Variants in SLC26A8 observed in about 807,000 individuals in gnomAD.
The protein encoded by SLC26A8 is testis anion transporter 1.
Under a neutral mutation model 105.0 loss-of-function variants are expected in SLC26A8, and 70 were observed. The ratio of observed to expected loss-of-function variants is 0.67; its 90% confidence interval spans 0.55 to 0.81. The LOEUF (loss-of-function observed/expected upper bound fraction) is 0.81. Ranked by LOEUF, SLC26A8 falls within the 40% of genes least tolerant of loss-of-function variation. The probability of loss-of-function intolerance (pLI) is 0.00; values close to 1 mark genes in which losing one functional copy is unlikely to be tolerated. For missense variants in SLC26A8, 998 were observed against 1,181.8 expected, an observed-to-expected ratio of 0.84 and a Z score of 2.28; for synonymous variants, 415 against 438.3, an observed-to-expected ratio of 0.95 and a Z score of 0.66.
intron 19 of SLC26A8, 72 bp downstream of exon 19, chr6:35,951,091 A>ACCCCCCCCCCCCCC: frequency 8.0e-7 from 1 of 1,256,380 alleles, no homozygotes; most frequent in Non-Finnish European, 1.1e-6. Flanking sequence ...CCAGCCCCCA[A>ACCCCCCCCCCCCCC]CCACCCCTCA....
At chr6:36,001,142 T>C (rs562730101) in intron 3 of SLC26A8, among the ~76,000 whole-genome samples, 1 of 152,152 alleles carries the variant, frequency 6.6e-6, no homozygotes, top group Non-Finnish European at 1.5e-5. Flanking sequence ...TTTTCTTTTT[T>C]TTTTGAGACG....
At chr6:35,984,701 A>G (rs1215871152) in intron 7 of SLC26A8, among the ~76,000 whole-genome samples, 1 of 151,940 alleles carries the variant, frequency 6.6e-6, no homozygotes, top group East Asian at 1.9e-4. Flanking sequence ...TTGCACTCTC[A>G]CTTCTCTCCT....
In SLC26A8 at chr6:36,000,121, A is replaced by T. The variant is rs894704373; in HGVS notation, c.329-13T>A. ...CTAAGTGTCAGGCCTGAAAAACAAG[A>T]TAATTTAAGAAAAAGCAGCTTGTCT... is the stretch of plus-strand genomic sequence containing the variant. On this transcript the variant is annotated splice_polypyrimidine_tract_variant and intron_variant, in intron 3 of 19. Coordinates refer to ENST00000490799, the MANE Select transcript of SLC26A8 (RefSeq NM_052961.4). 1 of 1,567,024 alleles carries T rather than the reference A, an allele frequency of 6.4e-7. No individual in the cohort carries two copies. The highest frequency in any genetic ancestry group is 1.1e-5 in the South Asian group (1 of 89,344).
chr6:35,970,854 C>T (rs35534912), intron 10 of SLC26A8, among the ~76,000 whole-genome samples: 25,142 of 151,956 alleles, frequency 0.17, 3,217 homozygotes, highest in African/African-American at 0.36. Flanking sequence ...GGTGAAACCC[C>T]ACCTCTACTA....
intron 11 of SLC26A8, among the ~76,000 whole-genome samples, chr6:35,965,984 G>C (rs1772502413): frequency 6.9e-6 from 1 of 145,310 alleles, no homozygotes; most frequent in Non-Finnish European, 1.5e-5. Flanking sequence ...CTGGGCAATA[G>C]AGGGAGACTC....
intron 10 of SLC26A8, chr6:35,969,341 T>C: frequency 4.9e-6 from 1 of 202,586 alleles, no homozygotes; most frequent in Admixed American, 5.5e-5. Context: ...GGCTCACACC[T>C]GTAATCCTAG....
At chr6:35,957,962 A>G (rs188127647) in intron 16 of SLC26A8, among the ~76,000 whole-genome samples, 10 of 151,338 alleles carry the variant, frequency 6.6e-5, no homozygotes, top group East Asian at 1.9e-4. Context: ...CTTTCTTACA[A>G]TCCCCTCATG....
chr6:35,963,447 A>G (rs1260969822), intron 11 of SLC26A8, among the ~76,000 whole-genome samples: 1 of 152,198 alleles, frequency 6.6e-6, no homozygotes, highest in African/African-American at 2.4e-5. Context: ...AAAACCCACC[A>G]TAGCGCACTC....
intron 2 of SLC26A8, among the ~76,000 whole-genome samples, chr6:36,014,657 G>C (rs551224384): frequency 2.0e-5 from 3 of 152,100 alleles, no homozygotes; most frequent in African/African-American, 7.2e-5. Context: ...CAAGGCGGGC[G>C]GATCACAAGG....
intron 16 of SLC26A8, 151 bp from the exon 17 acceptor site, chr6:35,955,671 T>C (rs1316310448): frequency 1.0e-6 from 1 of 1,004,248 alleles, no homozygotes; most frequent in African/African-American, 1.6e-5. Context: ...TTTACTTGGA[T>C]ATCTGTCACT....
intron 7 of SLC26A8, among the ~76,000 whole-genome samples, chr6:35,983,656 A>G (rs773411851): frequency 4.2e-4 from 64 of 151,862 alleles, no homozygotes; most frequent in African/African-American, 1.5e-3. Flanking sequence ...GGTTCAAGCG[A>G]TTCTCATGCC....
In SLC26A8 at chr6:35,943,944, T is replaced by C. The variant is rs146813930; in HGVS notation, c.2869A>G (p.Met957Val). 2.5e-6 allele frequency: 4 copies of C among 1,614,144 alleles called. No individual in the cohort carries two copies. The highest frequency in any genetic ancestry group is 2.7e-5 in the African/African-American group (2 of 75,038). Residue 957 changes from methionine (M) to valine (V), a missense_variant, in exon 20 of 20, where the codon ATG becomes GTG. Met to Val is a conservative substitution (Grantham distance 21). Coordinates refer to ENST00000490799, the MANE Select transcript of SLC26A8 (RefSeq NM_052961.4). ...TTGCCCTCTGGTGAGTATGAATCCA[T>C]AGGATGGCGTCTCCTCTCCACTGAC... Reference protein sequence around the residue: ...TWSVERRRHPMDSYSPEGNSN... With the variant: ...TWSVERRRHPVDSYSPEGNSN...
At chr6:35,994,440 A>C (rs989528372) in intron 5 of SLC26A8, among the ~76,000 whole-genome samples, 3 of 151,684 alleles carry the variant, frequency 2.0e-5, no homozygotes, top group African/African-American at 7.3e-5. Flanking sequence ...ATCTCCTGTC[A>C]TTGCCGCCCA....
intron 10 of SLC26A8, among the ~76,000 whole-genome samples, chr6:35,973,221 T>A (rs6924359): frequency 6.6e-6 from 1 of 151,972 alleles, no homozygotes; most frequent in Admixed American, 6.6e-5. Context: ...CTCTGGAATC[T>A]CCATTTCCAT....
At chr6:36,014,078 C>T (rs896847881) in intron 2 of SLC26A8, among the ~76,000 whole-genome samples, 1 of 152,214 alleles carries the variant, frequency 6.6e-6, no homozygotes, top group Non-Finnish European at 1.5e-5. Flanking sequence ...AGGAACATCA[C>T]ATTGCTGTTC....
intron 2 of SLC26A8, among the ~76,000 whole-genome samples, chr6:36,016,321 C>T (rs1279115839): frequency 1.3e-5 from 2 of 152,000 alleles, no homozygotes; most frequent in Non-Finnish European, 2.9e-5. Context: ...TTTGTGGACC[C>T]CCAAGGAGTC....
chr6:35,960,967 A>G, intron 13 of SLC26A8, 26 bp downstream of exon 13: 1 of 1,613,894 alleles, frequency 6.2e-7, no homozygotes. Context: ...TGCCTTGTTA[A>G]CCTCCTATTA....
intron 16 of SLC26A8, among the ~76,000 whole-genome samples, chr6:35,956,368 C>G (rs1319735488): frequency 6.9e-6 from 1 of 143,946 alleles, no homozygotes; most frequent in African/African-American, 2.6e-5. Flanking sequence ...GTTGAGGCTG[C>G]AGTGAGCTGT....
intron 14 of SLC26A8, 61 bp downstream of exon 14, chr6:35,960,782 G>C: frequency 6.7e-7 from 1 of 1,497,536 alleles, no homozygotes; most frequent in Non-Finnish European, 9.2e-7. Context: ...GAAAAACTAA[G>C]CATGAGGTGG....
Sources: gnomAD v4.1 joint callset for allele counts (sites outside exome capture counted in the v4.1 genomes callset) on GRCh38, gnomAD v4.1.1 for gene constraint, MANE v1.5 for transcripts, NCBI Gene and HGNC (gene_info 2026-07-23, HGNC 2026-07-21) for gene names.